The following DMXL2 variants were observed in gnomAD, a reference collection of about 807,000 sequenced individuals.
The protein encoded by DMXL2 is dmX-like protein 2.
DMXL2 carries 103 observed loss-of-function variants against 331.1 expected under a neutral mutation model. The observed-to-expected ratio is 0.31, with a 90% CI of 0.27 to 0.37. DMXL2 has a LOEUF of 0.37. Among genes scored for constraint, DMXL2 ranks in the 10% least tolerant of loss-of-function variants. DMXL2 has a pLI of 1.00. For missense variants in DMXL2, 3,171 were observed against 3,642.9 expected (o/e 0.87, Z 3.33); for synonymous variants, 1,281 against 1,252.1 (o/e 1.02, Z -0.49).
At chr15:51,553,634 T>C (rs1019079999) in intron 6 of DMXL2, among the ~76,000 whole-genome samples, 24 of 152,302 alleles carry the variant, frequency 1.6e-4, no homozygotes, top group Admixed American at 1.4e-3. Flanking sequence ...TCTCACCTAC[T>C]AAATGTGAAA....
intron 1 of DMXL2, among the ~76,000 whole-genome samples, chr15:51,609,758 A>T (rs1475487183): frequency 6.6e-6 from 1 of 151,924 alleles, no homozygotes; most frequent in Non-Finnish European, 1.5e-5. Context: ...GTGAAACCCC[A>T]CCTCTACTAA....
At chr15:51,451,976 T>G (rs577101866) in intron 41 of DMXL2, among the ~76,000 whole-genome samples, 1 of 152,260 alleles carries the variant, frequency 6.6e-6, no homozygotes, top group Admixed American at 6.5e-5. Flanking sequence ...TAAGGAATGC[T>G]TTTATATCCC....
intron 6 of DMXL2, among the ~76,000 whole-genome samples, chr15:51,559,389 A>G (rs2049807385): frequency 6.6e-6 from 1 of 152,260 alleles, no homozygotes; most frequent in Non-Finnish European, 1.5e-5. Flanking sequence ...AAAGGTATTT[A>G]GCCTCATTAA....
chr15:51,594,207 A>T (rs1238319892), intron 1 of DMXL2, among the ~76,000 whole-genome samples: 4 of 152,248 alleles, frequency 2.6e-5, no homozygotes, highest in Non-Finnish European at 5.9e-5. Flanking sequence ...AATCAAATAG[A>T]TGCAACAAAA....
intron 3 of DMXL2, among the ~76,000 whole-genome samples, chr15:51,565,974 A>ATG (rs2050243722): frequency 6.6e-6 from 1 of 152,180 alleles, no homozygotes; most frequent in African/African-American, 2.4e-5. Flanking sequence ...TTGGGAGGCC[A>ATG]TGACAGGAGG....
chr15:51,474,277 T>G, intron 28 of DMXL2, 67 bp downstream of exon 28: 1 of 1,479,572 alleles, frequency 6.8e-7, no homozygotes, highest in South Asian at 1.4e-5. Flanking sequence ...CTTGAAACAT[T>G]AAAAAAAATT....
At chr15:51,449,910 T>C (rs2038984850) in intron 43 of DMXL2, among the ~76,000 whole-genome samples, 1 of 152,168 alleles carries the variant, frequency 6.6e-6, no homozygotes, top group Admixed American at 6.5e-5. Context: ...AGCTTTCTAA[T>C]GGCCTGAGTC....
At chr15:51,529,169 C>G (rs1005115623) in intron 13 of DMXL2, among the ~76,000 whole-genome samples, 4 of 151,914 alleles carry the variant, frequency 2.6e-5, no homozygotes, top group African/African-American at 9.7e-5. Context: ...AGGAAGACTT[C>G]AAATAAACAA....
At chr15:51,617,020 T>C (rs1007926865) in intron 1 of DMXL2, among the ~76,000 whole-genome samples, 1 of 151,656 alleles carries the variant, frequency 6.6e-6, no homozygotes, top group Non-Finnish European at 1.5e-5. Context: ...TTATATCCCA[T>C]TTTAAGTACT....
intron 8 of DMXL2, 97 bp from the exon 9 acceptor site, chr15:51,542,604 T>A (rs895682714): frequency 2.1e-6 from 2 of 937,482 alleles, no homozygotes; most frequent in African/African-American, 3.3e-5. Flanking sequence ...GATTTTTTTC[T>A]CCATAAAAAC....
chr15:51,576,282 A>T (rs887064287), intron 1 of DMXL2, 101 bp from the exon 2 acceptor site: 1 of 902,774 alleles, frequency 1.1e-6, no homozygotes, highest in Non-Finnish European at 1.5e-6. Flanking sequence ...GCCATTATAA[A>T]GTATACCTTG....
At chr15:51,537,396 C>T (rs1596169174) in intron 11 of DMXL2, 92 bp downstream of exon 11, 1 of 1,363,214 alleles carries the variant, frequency 7.3e-7, no homozygotes, top group Non-Finnish European at 9.7e-7. Context: ...CCAAAATTTT[C>T]AGTAATTCTA....
At chr15:51,597,377 C>A (rs1448466690) in intron 1 of DMXL2, among the ~76,000 whole-genome samples, 4 of 151,978 alleles carry the variant, frequency 2.6e-5, no homozygotes, top group African/African-American at 9.7e-5. Context: ...CATGCCTAAA[C>A]AATATGGTTT....
At chr15:51,564,313 A>G (rs1270033915) in intron 4 of DMXL2, 53 bp from the exon 5 acceptor site, 1 of 1,362,140 alleles carries the variant, frequency 7.3e-7, no homozygotes, top group East Asian at 2.7e-5. Context: ...TAGGGAAATA[A>G]ATGCACATGG....
chr15:51,547,951 C>A (rs1451218664), intron 6 of DMXL2, among the ~76,000 whole-genome samples: 2 of 152,054 alleles, frequency 1.3e-5, no homozygotes, highest in African/African-American at 2.4e-5. Context: ...TTTTTTCTTA[C>A]ATCCCTTTAA....
At chr15:51,600,047 C>A (rs554784367) in intron 1 of DMXL2, among the ~76,000 whole-genome samples, 1 of 152,182 alleles carries the variant, frequency 6.6e-6, no homozygotes, top group African/African-American at 2.4e-5. Context: ...TAATGAGAAA[C>A]CTGGCTCACA....
chr15:51,595,188 A>C (rs996175955), intron 1 of DMXL2, among the ~76,000 whole-genome samples: 2 of 152,240 alleles, frequency 1.3e-5, no homozygotes, highest in African/African-American at 4.8e-5. Context: ...TCTCAGCCCA[A>C]AATCTCCTTA....
intron 1 of DMXL2, among the ~76,000 whole-genome samples, chr15:51,578,718 T>G (rs1231980238): frequency 6.6e-6 from 1 of 152,190 alleles, no homozygotes; most frequent in African/African-American, 2.4e-5. Context: ...GCCTCAGTAT[T>G]TATAGTAGCA....
At chr15:51,565,733 T>C (rs1224652384) in intron 3 of DMXL2, among the ~76,000 whole-genome samples, 1 of 152,238 alleles carries the variant, frequency 6.6e-6, no homozygotes, top group African/African-American at 2.4e-5. Flanking sequence ...TATTTCTTTG[T>C]AGTACATAAA....
Sources: allele counts gnomAD v4.1 joint callset (sites outside exome capture counted in the v4.1 genomes callset), GRCh38; gene constraint gnomAD v4.1.1; transcripts MANE v1.5; gene names NCBI Gene and HGNC (gene_info 2026-07-23, HGNC 2026-07-21).